Variants in STPG2 observed in about 807,000 individuals in gnomAD.
STPG2 encodes the protein sperm tail PG-rich repeat containing 2.
Under a neutral mutation model 54.2 loss-of-function variants are expected in STPG2, and 56 were observed. That is an observed-to-expected ratio of 1.03 (90% CI 0.83 to 1.29). The LOEUF (loss-of-function observed/expected upper bound fraction) is 1.29, where lower values mean the gene tolerates loss of function less well. Ranked by LOEUF, STPG2 falls within the 50% of genes most tolerant of loss-of-function variation. STPG2 has a pLI of 0.00. For synonymous variants in STPG2, 200 were observed against 181.8 expected, an observed-to-expected ratio of 1.10 and a Z score of -0.81; for missense variants, 596 against 544.9, an observed-to-expected ratio of 1.09 and a Z score of -0.93.
intron 5 of STPG2, among the ~76,000 whole-genome samples, chr4:98,102,306 T>C (rs1259423051): frequency 1.3e-5 from 2 of 152,208 alleles, no homozygotes; most frequent in African/African-American, 2.4e-5. Flanking sequence ...CACATCCAGC[T>C]ACTGTCTGCT....
At chr4:97,960,985 G>T (rs1157264140) in intron 7 of STPG2, among the ~76,000 whole-genome samples, 1 of 151,924 alleles carries the variant, frequency 6.6e-6, no homozygotes, top group Non-Finnish European at 1.5e-5. Context: ...CATGGTACTG[G>T]TATAAACATA....
chr4:97,885,217 C>T (rs1730518479), intron 8 of STPG2, among the ~76,000 whole-genome samples: 1 of 152,060 alleles, frequency 6.6e-6, no homozygotes, highest in Admixed American at 6.6e-5. Flanking sequence ...AGCCTGAAAC[C>T]CTGGAGTTGG....
At chr4:97,926,367 C>T (rs186132495) in intron 8 of STPG2, among the ~76,000 whole-genome samples, 5 of 152,156 alleles carry the variant, frequency 3.3e-5, no homozygotes, top group Admixed American at 3.3e-4. Context: ...CTTTTTGATC[C>T]TTCCATGTCC....
At chr4:98,036,309 T>C (rs997014178) in intron 5 of STPG2, among the ~76,000 whole-genome samples, 1 of 152,056 alleles carries the variant, frequency 6.6e-6, no homozygotes, top group East Asian at 1.9e-4. Context: ...TTACTGGGTA[T>C]ATACACAAAG....
intron 10 of STPG2, among the ~76,000 whole-genome samples, chr4:97,621,447 T>G (rs1314008343): frequency 6.6e-6 from 1 of 152,054 alleles, no homozygotes; most frequent in African/African-American, 2.4e-5. Context: ...ACAAAGGAGA[T>G]GTTATCACTG....
chr4:97,909,976 A>G (rs1049873335), intron 8 of STPG2, among the ~76,000 whole-genome samples: 2 of 152,194 alleles, frequency 1.3e-5, no homozygotes, highest in African/African-American at 4.8e-5. Flanking sequence ...TAGGATTTGT[A>G]AAGTCACTTT....
At chr4:97,670,404 A>T (rs979512140) in intron 10 of STPG2, among the ~76,000 whole-genome samples, 2 of 152,210 alleles carry the variant, frequency 1.3e-5, no homozygotes, top group Admixed American at 1.3e-4. Context: ...TGATTTGGAC[A>T]TTCAGTTATT....
At chr4:97,640,783 C>T (rs28634627) in intron 10 of STPG2, among the ~76,000 whole-genome samples, 67,499 of 150,864 alleles carry the variant, frequency 0.45, 16,656 homozygotes, top group South Asian at 0.62. Context: ...GATTTAGATA[C>T]GTTTCAAAAC....
intron 5 of STPG2, among the ~76,000 whole-genome samples, chr4:98,066,243 T>C (rs1362741073): frequency 6.6e-6 from 1 of 152,206 alleles, no homozygotes; most frequent in African/African-American, 2.4e-5. Flanking sequence ...GGATATAGTA[T>C]GTATTAATGC....
chr4:98,122,322 C>T (rs987659404), intron 3 of STPG2, among the ~76,000 whole-genome samples: 1 of 151,930 alleles, frequency 6.6e-6, no homozygotes, highest in Non-Finnish European at 1.5e-5. Context: ...TTTAGTATAT[C>T]GGCTGTGGGT....
chr4:98,081,337 A>T (rs10021044), intron 5 of STPG2, among the ~76,000 whole-genome samples: 60,170 of 151,986 alleles, frequency 0.4, 12,159 homozygotes, highest in Middle Eastern at 0.46. Context: ...CAGAAGATAC[A>T]GTGTATTTTT....
chr4:97,603,925 T>G lies in STPG2; in HGVS notation c.1321-44808A>C, dbSNP rs187116291. 5.1e-4 allele frequency among the ~76,000 whole-genome samples: 77 copies of G among 151,816 alleles called. 2 individuals are homozygous for G. In the East Asian group the frequency reaches 0.013, roughly 25 times the overall value. On this transcript the variant is annotated intron_variant, in intron 10 of 10. Coordinates refer to ENST00000295268, the MANE Select transcript of STPG2 (RefSeq NM_174952.3). Reference sequence around the variant, plus strand: ...AGATTGGTTGCACAAAAAATGTCAATGTACTTAACATTACTAAACCACTAT... The same window carrying G: ...AGATTGGTTGCACAAAAAATGTCAAGGTACTTAACATTACTAAACCACTAT...
intron 8 of STPG2, among the ~76,000 whole-genome samples, chr4:97,898,832 A>G (rs1339517216): frequency 6.6e-6 from 1 of 151,776 alleles, no homozygotes; most frequent in African/African-American, 2.4e-5. Context: ...ATCTTTTATA[A>G]TTAAATTACA....
intron 3 of STPG2, among the ~76,000 whole-genome samples, chr4:98,113,594 T>C (rs905580950): frequency 2.0e-5 from 3 of 152,060 alleles, no homozygotes; most frequent in Non-Finnish European, 2.9e-5. Context: ...TTTGCCCTTC[T>C]TCACTATGGA....
At chr4:97,630,421 T>C (rs1275422384) in intron 10 of STPG2, among the ~76,000 whole-genome samples, 7 of 151,844 alleles carry the variant, frequency 4.6e-5, no homozygotes, top group Non-Finnish European at 8.9e-5. Flanking sequence ...ATCAGATCAA[T>C]TTTTTTAAAC....
intron 8 of STPG2, among the ~76,000 whole-genome samples, chr4:97,858,051 A>G (rs1729389297): frequency 1.3e-5 from 2 of 152,118 alleles, no homozygotes; most frequent in Admixed American, 6.6e-5. Flanking sequence ...AGATCTATAA[A>G]ATAGTCTCAA....
At chr4:97,867,433 A>C (rs896897836) in intron 8 of STPG2, among the ~76,000 whole-genome samples, 1 of 151,994 alleles carries the variant, frequency 6.6e-6, no homozygotes, top group Non-Finnish European at 1.5e-5. Flanking sequence ...TGAGATTCTT[A>C]TCAGATGCAT....
intron 5 of STPG2, among the ~76,000 whole-genome samples, chr4:98,020,855 G>A (rs1345430196): frequency 6.6e-6 from 1 of 151,998 alleles, no homozygotes; most frequent in Non-Finnish European, 1.5e-5. Context: ...CTGTGGGATT[G>A]GTGGTGATAT....
intron 10 of STPG2, among the ~76,000 whole-genome samples, chr4:97,699,175 C>T (rs906184268): frequency 4.6e-5 from 7 of 152,162 alleles, no homozygotes; most frequent in South Asian, 4.1e-4. Flanking sequence ...ATTGGGCACT[C>T]GACAGTGGCT....
Sources: allele counts gnomAD v4.1 joint callset (sites outside exome capture counted in the v4.1 genomes callset), GRCh38; gene constraint gnomAD v4.1.1; transcripts MANE v1.5; gene names NCBI Gene and HGNC (gene_info 2026-07-23, HGNC 2026-07-21).